The following AJAP1 variants were observed in gnomAD, a reference collection of about 807,000 sequenced individuals.
AJAP1 encodes the protein adherens junction-associated protein 1.
Under a neutral mutation model 35.0 loss-of-function variants are expected in AJAP1, and 5 were observed. That is an observed-to-expected ratio of 0.14 (90% CI 0.07 to 0.30). The LOEUF is 0.30. Ranked by LOEUF, AJAP1 falls within the 10% of genes least tolerant of loss-of-function variation. The pLI, the probability that AJAP1 is intolerant of heterozygous loss-of-function variation, is 1.00. For synonymous variants in AJAP1, 284 were observed against 249.3 expected (o/e 1.14, Z -1.31); for missense variants, 586 against 571.0 (o/e 1.03, Z -0.27).
intron 2 of AJAP1, among the ~76,000 whole-genome samples, chr1:4,728,950 C>T (rs548256108): frequency 1.9e-3 from 285 of 152,288 alleles, no homozygotes; most frequent in African/African-American, 6.6e-3. Flanking sequence ...TGCCAGACCA[C>T]ACATCCATGT....
chr1:4,737,168 G>A (rs1640944416), intron 2 of AJAP1, among the ~76,000 whole-genome samples: 1 of 152,122 alleles, frequency 6.6e-6, no homozygotes, highest in Non-Finnish European at 1.5e-5. Context: ...TTACTATGGG[G>A]CTGTGGATGG....
rs1039115546 is a variant in AJAP1 at position 4,656,468 on chromosome 1, G to C, written c.29+1014G>C. 2.6e-5 allele frequency among the ~76,000 whole-genome samples: 4 copies of C among 152,198 alleles called. No homozygotes were observed. Among genetic ancestry groups the C allele is most frequent in the Non-Finnish European group, 4.4e-5 (3 of 68,050 alleles). ...TGCGGTTCTCGAGTTTGTCCACTGG[G>C]ATGCACTGCGCTCCCGCGTTGGGGA... On this transcript the variant is annotated intron_variant, in intron 1 of 5. Coordinates refer to ENST00000378191, the MANE Select transcript of AJAP1 (RefSeq NM_018836.4). This position sits in a 1 kb window ranked among gnomAD's most constrained non-coding sequence, Gnocchi z 5.7.
Position 4,738,396 on chromosome 1 carries a change from C to T in AJAP1, c.829+25697C>T, listed in dbSNP as rs370561873. On this transcript the variant is annotated intron_variant, in intron 2 of 5. Transcript: ENST00000378191. Reference sequence around the variant, plus strand: ...GTGGATTGACTGGGGAGTTAGCATGCGTGAGGGGCCTCTCTCTGAACAAGG... The same window carrying T: ...GTGGATTGACTGGGGAGTTAGCATGTGTGAGGGGCCTCTCTCTGAACAAGG... Among the ~76,000 whole-genome samples, 6 of 152,312 alleles carry T rather than the reference C, an allele frequency of 3.9e-5. No individual in the cohort carries two copies. The South Asian group carries it at 6.2e-4, about 16-fold the overall frequency.
At chr1:4,743,054 G>A (rs61766965) in intron 2 of AJAP1, among the ~76,000 whole-genome samples, 4,692 of 152,282 alleles carry the variant, frequency 0.031, 104 homozygotes, top group Middle Eastern at 0.054. Flanking sequence ...CGGATTCCAC[G>A]GCTCCCTGGG....
chr1:4,735,610 C>G (rs1313840828), intron 2 of AJAP1, among the ~76,000 whole-genome samples: 1 of 152,218 alleles, frequency 6.6e-6, no homozygotes, highest in Non-Finnish European at 1.5e-5. Context: ...ACGGAGGTCT[C>G]TCCTCCCAGG....
chr1:4,735,479 C>T (rs574759242), intron 2 of AJAP1, among the ~76,000 whole-genome samples: 4 of 152,302 alleles, frequency 2.6e-5, no homozygotes, highest in South Asian at 2.1e-4. Context: ...TATGCAGGCT[C>T]AGCACCCACT....
At position 4,655,255 on chromosome 1, in the gene AJAP1, C is replaced by A. The variant is rs1377953123; in HGVS notation, c.-171C>A. ...CGGCGGCGCGCCGGCCGGCATGGAG[C>A]CCCGCGCGGCCGCGCTCTGACTCGC... On this transcript the variant is annotated 5_prime_UTR_variant, in exon 1 of 6. Coordinates refer to ENST00000378191, the MANE Select transcript of AJAP1 (RefSeq NM_018836.4). This position sits in a 1 kb window ranked among gnomAD's most constrained non-coding sequence, Gnocchi z 6.9. The A allele has an allele frequency of 4.0e-6, 1 of 249,454 alleles. No homozygotes were observed. Among genetic ancestry groups the A allele is most frequent in the Non-Finnish European group, 6.5e-6 (1 of 154,556 alleles). The allele number at this position is 249,454 out of a possible 1,614,324, so 15.5% of individuals were successfully genotyped here.
chr1:4,688,886 G>A (rs974488491), intron 1 of AJAP1, among the ~76,000 whole-genome samples: 1 of 151,980 alleles, frequency 6.6e-6, no homozygotes, highest in Non-Finnish European at 1.5e-5. Context: ...GGAGGACGCT[G>A]AGCCCATTAT....
At chr1:4,683,014 C>T (rs1639521593) in intron 1 of AJAP1, among the ~76,000 whole-genome samples, 1 of 152,212 alleles carries the variant, frequency 6.6e-6, no homozygotes, top group Non-Finnish European at 1.5e-5. Context: ...GCCCTTGGCC[C>T]CTTGGAGTCC....
chr1:4,757,496 C>T (rs1330914377), intron 2 of AJAP1, among the ~76,000 whole-genome samples: 3 of 152,194 alleles, frequency 2.0e-5, no homozygotes, highest in African/African-American at 7.2e-5. Flanking sequence ...AACACTGGCC[C>T]AGCCCACAGA....
intron 1 of AJAP1, among the ~76,000 whole-genome samples, chr1:4,669,070 C>T (rs1195671728): frequency 6.6e-6 from 1 of 152,176 alleles, no homozygotes; most frequent in Non-Finnish European, 1.5e-5. Flanking sequence ...AAGTGAAATT[C>T]ACATAACATA....
At position 4,788,869 on chromosome 1, in the gene AJAP1, CCACACCTGTAAACG is replaced by C. The variant is rs1445900040; in HGVS notation, c.*6389_*6402del. Reference sequence around the variant, plus strand: ...AACACACCAGCCACAAGTCCACACTCCACACCTGTAAACGCACAGCCCATGCCCCATTGTAAAGG... The same window carrying C: ...AACACACCAGCCACAAGTCCACACTCCACAGCCCATGCCCCATTGTAAAGG... On this transcript the variant is annotated 3_prime_UTR_variant, in exon 6 of 6. Coordinates refer to ENST00000378191, the MANE Select transcript of AJAP1 (RefSeq NM_018836.4). The C allele has an allele frequency of 6.6e-6, 1 of 152,326 alleles. No homozygotes were observed. The highest frequency in any genetic ancestry group is 1.5e-5 in the Non-Finnish European group (1 of 68,120). 9.4% of individuals were successfully genotyped at this position (152,326 alleles called of 1,614,324 possible).
rs570355852 is a variant in AJAP1 at position 4,723,950 on chromosome 1, G to A, written c.829+11251G>A. On this transcript the variant is annotated intron_variant, in intron 2 of 5. Coordinates refer to ENST00000378191, the MANE Select transcript of AJAP1 (RefSeq NM_018836.4). The surrounding 1 kb of genome is among the most constrained non-coding windows in gnomAD (Gnocchi z 4.3). ...ACCAGCCTGATGTGTGCTGTTGGCTGAGCTCGCTATAGAGACCTCAAGAGG... is the reference window on the plus strand; with the variant it reads ...ACCAGCCTGATGTGTGCTGTTGGCTAAGCTCGCTATAGAGACCTCAAGAGG... 1.8e-4 allele frequency among the ~76,000 whole-genome samples: 27 copies of A among 152,324 alleles called. No individual in the cohort carries two copies. Among genetic ancestry groups the A allele is most frequent in the African/African-American group, 6.5e-4 (27 of 41,564 alleles).
chr1:4,775,632 T>C (rs893662939), intron 5 of AJAP1, among the ~76,000 whole-genome samples: 13 of 152,222 alleles, frequency 8.5e-5, no homozygotes, highest in African/African-American at 1.7e-4. Context: ...TTCCTCATCC[T>C]GGCACTAATG....
At chr1:4,714,742 A>G (rs1038765594) in intron 2 of AJAP1, among the ~76,000 whole-genome samples, 1 of 152,216 alleles carries the variant, frequency 6.6e-6, no homozygotes, top group Admixed American at 6.5e-5. Flanking sequence ...TCTGGAACGC[A>G]ATGCTGGGCC....
intron 2 of AJAP1, among the ~76,000 whole-genome samples, chr1:4,748,747 CAAAAAAAAA>C (rs70955802): frequency 7.2e-4 from 71 of 98,292 alleles, no homozygotes; most frequent in African/African-American, 2.6e-3. Flanking sequence ...GACTCTGTCT[CAAAAAAAAA>C]AAAAAAAAAA....
chr1:4,668,516 GA>G (rs1639186503), intron 1 of AJAP1, among the ~76,000 whole-genome samples: 1 of 152,198 alleles, frequency 6.6e-6, no homozygotes, highest in Non-Finnish European at 1.5e-5. Context: ...TCAAGGTCAG[GA>G]AATATTATTA....
At chr1:4,774,370 A>G (rs1641901017) in intron 4 of AJAP1, 57 bp from the exon 5 acceptor site, 4 of 1,534,644 alleles carry the variant, frequency 2.6e-6, no homozygotes, top group Non-Finnish European at 3.6e-6. Context: ...CGGCTTGCCT[A>G]TCATGTGTCA....
Position 4,781,161 on chromosome 1 carries a change from C to T in AJAP1, c.*60-1384C>T, listed in dbSNP as rs1349473650. 2.6e-5 allele frequency among the ~76,000 whole-genome samples: 4 copies of T among 152,220 alleles called. No individual in the cohort carries two copies. The South Asian group carries it at 6.2e-4, about 24-fold the overall frequency. On this transcript the variant is annotated intron_variant, in intron 5 of 5. Transcript: ENST00000378191. ...GAGCTGTTCTGGGGCCTGCCAGCCTCGCTGTCCACTCCTGGGATGTGTCCC... is the reference window on the plus strand; with the variant it reads ...GAGCTGTTCTGGGGCCTGCCAGCCTTGCTGTCCACTCCTGGGATGTGTCCC...
Sources: allele counts gnomAD v4.1 joint callset (sites outside exome capture counted in the v4.1 genomes callset), GRCh38; gene constraint gnomAD v4.1.1; non-coding constraint Gnocchi (gnomAD v3.1); transcripts MANE v1.5; gene names NCBI Gene and HGNC (gene_info 2026-07-23, HGNC 2026-07-21).